CYP2C18: variants seen among roughly 807,000 people sequenced by gnomAD.
CYP2C18 encodes cytochrome P450 2C18.
A neutral mutation model predicts 41.3 loss-of-function variants in CYP2C18; 38 were observed. That is an observed-to-expected ratio of 0.92 (90% CI 0.71 to 1.21). The LOEUF (loss-of-function observed/expected upper bound fraction) is 1.21, where lower values mean the gene tolerates loss of function less well. Ranked by LOEUF, CYP2C18 falls within the 50% of genes most tolerant of loss-of-function variation. The pLI is 0.00. For missense variants in CYP2C18, 635 were observed against 591.4 expected, an observed-to-expected ratio of 1.07 and a Z score of -0.77; for synonymous variants, 236 against 210.0, an observed-to-expected ratio of 1.12 and a Z score of -1.07.
intron 3 of CYP2C18, among the ~76,000 whole-genome samples, 170 bp downstream of exon 3, chr10:94,688,444 C>A (rs1427261486): frequency 6.6e-6 from 1 of 152,116 alleles, no homozygotes; most frequent in Non-Finnish European, 1.5e-5. Context: ...TCACTTTGAG[C>A]ATTTATCATT....
At chr10:94,691,529 C>G (rs1366600914) in intron 3 of CYP2C18, among the ~76,000 whole-genome samples, 1 of 152,058 alleles carries the variant, frequency 6.6e-6, no homozygotes, top group African/African-American at 2.4e-5. Flanking sequence ...AAAGAGGACA[C>G]AAACAAATGG....
chr10:94,690,538 A>C (rs1046204311), intron 3 of CYP2C18, among the ~76,000 whole-genome samples: 1 of 152,224 alleles, frequency 6.6e-6, no homozygotes, highest in South Asian at 2.1e-4. Context: ...TGAGGCAATA[A>C]TTAATAGCTT....
intron 4 of CYP2C18, among the ~76,000 whole-genome samples, chr10:94,699,885 A>G (rs1174516701): frequency 3.9e-5 from 6 of 152,214 alleles, no homozygotes; most frequent in Non-Finnish European, 7.3e-5. Context: ...AAATTGCTTC[A>G]AAGAGAATAA....
chr10:94,724,138 G>T (rs114844555), intron 6 of CYP2C18, among the ~76,000 whole-genome samples: 1 of 151,306 alleles, frequency 6.6e-6, no homozygotes, highest in African/African-American at 2.4e-5. Flanking sequence ...TATGTAGGTG[G>T]TTACAGATTT....
chr10:94,714,725 G>T (rs1316007387), intron 5 of CYP2C18, among the ~76,000 whole-genome samples: 6 of 152,156 alleles, frequency 3.9e-5, no homozygotes, highest in African/African-American at 7.2e-5. Context: ...AAAGTCATTG[G>T]TAGCTTGATG....
At position 94,706,885 on chromosome 10, in the gene CYP2C18, A is replaced by G. The variant is rs368692166; in HGVS notation, c.744A>G (p.Ile248Met). The G allele has an allele frequency of 5.0e-6, 8 of 1,612,810 alleles. No individual in the cohort carries two copies. The African/African-American group carries it at 1.1e-4, about 22-fold the overall frequency. ...TTAAAAGTTATGTATTGGAGAGAATAAAAGAACATCAAGAATCCCTGGACA... is the reference window on the plus strand; with the variant it reads ...TTAAAAGTTATGTATTGGAGAGAATGAAAGAACATCAAGAATCCCTGGACA... ...AYIKSYVLER[I>M]KEHQESLDMN... The change falls in exon 5 of 9, where the codon ATA becomes ATG. Residue 248 changes from isoleucine to methionine, a missense_variant. Transcript: ENST00000285979.
rs559309972 is a variant in CYP2C18, at chr10:94,706,889, G to T, written c.748G>T (p.Glu250Ter). The T allele has an allele frequency of 1.7e-5, 27 of 1,612,568 alleles. No homozygotes were observed. Among genetic ancestry groups the T allele is most frequent in the Middle Eastern group, 1.7e-4 (1 of 6,048 alleles). Residue 250 changes from glutamate to a stop codon, truncating the protein, a stop_gained, in exon 5 of 9, where the codon GAA (glutamate) becomes TAA (stop). Coordinates refer to ENST00000285979, the MANE Select transcript of CYP2C18 (RefSeq NM_000772.3). LOFTEE classifies it high-confidence loss of function. Reference sequence around the variant, plus strand: ...AAGTTATGTATTGGAGAGAATAAAAGAACATCAAGAATCCCTGGACATGAA... The same window carrying T: ...AAGTTATGTATTGGAGAGAATAAAATAACATCAAGAATCCCTGGACATGAA... ...IKSYVLERIK[E>*]HQESLDMNSA...
At chr10:94,717,366 G>A (rs1847568868) in intron 5 of CYP2C18, among the ~76,000 whole-genome samples, 2 of 152,052 alleles carry the variant, frequency 1.3e-5, no homozygotes, top group Admixed American at 1.3e-4. Flanking sequence ...TGCTCTTGTA[G>A]GGCAGGCATG....
intron 4 of CYP2C18, among the ~76,000 whole-genome samples, chr10:94,701,546 C>A (rs903507032): frequency 6.6e-6 from 1 of 152,056 alleles, no homozygotes; most frequent in Non-Finnish European, 1.5e-5. Flanking sequence ...TGCAGCACAC[C>A]AACATGGCAC....
At chr10:94,729,629 G>T (rs1463550242) in intron 7 of CYP2C18, among the ~76,000 whole-genome samples, 1 of 152,080 alleles carries the variant, frequency 6.6e-6, no homozygotes, top group Non-Finnish European at 1.5e-5. Flanking sequence ...CAGTAATTTT[G>T]CCATTTTGTA....
rs186065503 is a variant in CYP2C18, at chr10:94,700,160, G to A, written c.642+5083G>A. On this transcript the variant is annotated intron_variant, in intron 4 of 8. Coordinates refer to ENST00000285979, the MANE Select transcript of CYP2C18 (RefSeq NM_000772.3). ...TTCATATGGAACCAAAAAAGAGCCC[G>A]CATTGCCAAGTCAATCCTAAGCCGA... Among the ~76,000 whole-genome samples, 554 of 152,246 alleles carry A rather than the reference G, an allele frequency of 3.6e-3. 2 individuals carry two copies. Among genetic ancestry groups the A allele is most frequent in the African/African-American group, 0.012 (511 of 41,546 alleles).
intron 4 of CYP2C18, among the ~76,000 whole-genome samples, chr10:94,705,512 TAAAATA>T (rs1847326453): frequency 6.6e-6 from 1 of 152,318 alleles, no homozygotes; most frequent in East Asian, 1.9e-4. Flanking sequence ...CCTTGGAGCT[TAAAATA>T]AAAATAAAAA....
At chr10:94,699,881 C>T (rs563960562) in intron 4 of CYP2C18, among the ~76,000 whole-genome samples, 1 of 152,240 alleles carries the variant, frequency 6.6e-6, no homozygotes, top group African/African-American at 2.4e-5. Context: ...TTCAAAATTG[C>T]TTCAAAGAGA....
chr10:94,710,859 A>G (rs1847423796), intron 5 of CYP2C18, among the ~76,000 whole-genome samples: 1 of 152,222 alleles, frequency 6.6e-6, no homozygotes, highest in African/African-American at 2.4e-5. Context: ...TAACAGCCTT[A>G]TTAAATTAAT....
intron 3 of CYP2C18, among the ~76,000 whole-genome samples, chr10:94,691,209 A>G (rs982170987): frequency 1.3e-5 from 2 of 152,196 alleles, no homozygotes; most frequent in African/African-American, 4.8e-5. Context: ...AGGGCATTCA[A>G]TTAGGAAAAG....
chr10:94,714,432 G>T (rs1847502735), intron 5 of CYP2C18, among the ~76,000 whole-genome samples: 1 of 152,262 alleles, frequency 6.6e-6, no homozygotes, highest in Non-Finnish European at 1.5e-5. Flanking sequence ...TATTAAATAG[G>T]GAATCCTTTC....
At chr10:94,691,805 G>A (rs1393469820) in intron 3 of CYP2C18, among the ~76,000 whole-genome samples, 8 of 152,142 alleles carry the variant, frequency 5.3e-5, no homozygotes, top group Non-Finnish European at 1.2e-4. Context: ...AAAACAGCAT[G>A]GTACTGGTAC....
At chr10:94,724,672 C>G in intron 7 of CYP2C18, 139 bp downstream of exon 7, 1 of 806,078 alleles carries the variant, frequency 1.2e-6, no homozygotes, top group Non-Finnish European at 2.0e-6. Context: ...TCTGCTGTTT[C>G]CATTCCAGTT....
chr10:94,694,801 A>G, intron 3 of CYP2C18, 116 bp from the exon 4 acceptor site: 1 of 1,152,502 alleles, frequency 8.7e-7, no homozygotes, highest in Non-Finnish European at 1.2e-6. Context: ...TGTTGATAAG[A>G]GAATTTCTAG....
Sources: gnomAD v4.1 joint callset for allele counts (sites outside exome capture counted in the v4.1 genomes callset) on GRCh38, gnomAD v4.1.1 for gene constraint, MANE v1.5 for transcripts, NCBI Gene and HGNC (gene_info 2026-07-23, HGNC 2026-07-21) for gene names.